Variants in SLC5A4 observed in about 807,000 individuals in gnomAD.
SLC5A4 encodes the protein probable glucose sensor protein SLC5A4.
In SLC5A4, 55 loss-of-function variants were observed where a neutral mutation model predicts 70.3. The observed-to-expected ratio is 0.78, with a 90% CI of 0.63 to 0.98. The LOEUF (loss-of-function observed/expected upper bound fraction) is 0.98, where lower values mean the gene tolerates loss of function less well. Among genes scored for constraint, SLC5A4 ranks in the 50% least tolerant of loss-of-function variants. The pLI is 0.00. For missense variants in SLC5A4, 735 were observed against 839.2 expected (o/e 0.88, Z 1.53); for synonymous variants, 268 against 305.7 (o/e 0.88, Z 1.29).
chr22:32,293,829 T>G, the SLC5A4 span, among the ~76,000 whole-genome samples: 2 of 152,148 alleles, frequency 1.3e-5, no homozygotes, highest in Non-Finnish European at 2.9e-5. Context: ...AAAATTTTAA[T>G]CTTTTCTAAG....
At chr22:32,291,091 T>C in the SLC5A4 span, among the ~76,000 whole-genome samples, 1 of 152,168 alleles carries the variant, frequency 6.6e-6, no homozygotes, top group African/African-American at 2.4e-5. Flanking sequence ...TTTATTTTTT[T>C]AAAGAGCTAG....
chr22:32,328,067 CAACACACACACCAGAGCCCCCAACACACA>C, the SLC5A4 span, among the ~76,000 whole-genome samples: 1 of 149,974 alleles, frequency 6.7e-6, no homozygotes, highest in Non-Finnish European at 1.5e-5. Context: ...ACGACGTCCC[CAACACACACACCAGAGCCCCCAACACACA>C]AACACACACA....
At chr22:32,245,746 CTT>C (rs1336921642) in intron 5 of SLC5A4, among the ~76,000 whole-genome samples, 1 of 152,212 alleles carries the variant, frequency 6.6e-6, no homozygotes, top group African/African-American at 2.4e-5. Context: ...GTCTCCATCT[CTT>C]GACCTCATGA....
intron 13 of SLC5A4, among the ~76,000 whole-genome samples, chr22:32,223,584 A>T (rs1482134097): frequency 6.6e-6 from 1 of 151,988 alleles, no homozygotes; most frequent in Non-Finnish European, 1.5e-5. Context: ...GTCAGTGTTC[A>T]TGCTGTATAT....
chr22:32,231,497 G>A (rs776058422), intron 9 of SLC5A4, among the ~76,000 whole-genome samples: 1 of 152,218 alleles, frequency 6.6e-6, no homozygotes, highest in African/African-American at 2.4e-5. Context: ...AAGAGGTGTC[G>A]CTTGTGATGG....
intron 5 of SLC5A4, among the ~76,000 whole-genome samples, chr22:32,240,139 T>TG (rs1344127300): frequency 6.6e-6 from 1 of 151,900 alleles, no homozygotes; most frequent in African/African-American, 2.4e-5. Context: ...TGGTTTGAAT[T>TG]GGGGGGTTAG....
At chr22:32,225,960 A>T (rs1486261839) in intron 11 of SLC5A4, 137 bp from the exon 12 acceptor site, 3 of 588,382 alleles carry the variant, frequency 5.1e-6, no homozygotes, top group African/African-American at 1.9e-5. Flanking sequence ...TCATACATAA[A>T]CCCATGCTGT....
At chr22:32,323,262 G>T in the SLC5A4 span, among the ~76,000 whole-genome samples, 1 of 152,024 alleles carries the variant, frequency 6.6e-6, no homozygotes, top group Non-Finnish European at 1.5e-5. Context: ...CCCCTCCCCT[G>T]CATGCTTTTC....
At chr22:32,347,217 G>C in the SLC5A4 span, among the ~76,000 whole-genome samples, 60 of 152,278 alleles carry the variant, frequency 3.9e-4, no homozygotes, top group African/African-American at 1.4e-3. Flanking sequence ...AGGTGCTGGA[G>C]AGGATGTGGA....
At chr22:32,313,100 A>G in the SLC5A4 span, among the ~76,000 whole-genome samples, 1 of 152,230 alleles carries the variant, frequency 6.6e-6, no homozygotes, top group Non-Finnish European at 1.5e-5. Context: ...CCAAAATTAC[A>G]GTTAATTGTG....
the SLC5A4 span, among the ~76,000 whole-genome samples, chr22:32,330,935 A>G: frequency 0.39 from 7,406 of 19,078 alleles, 978 homozygotes; most frequent in African/African-American, 0.47. Flanking sequence ...TCTGGTGTGT[A>G]TGTGTTGGAG....
intron 2 of SLC5A4, 88 bp from the exon 3 acceptor site, chr22:32,251,962 G>A (rs1003662225): frequency 3.5e-5 from 33 of 929,716 alleles, no homozygotes; most frequent in Non-Finnish European, 5.4e-5. Context: ...GGGCGTGGTG[G>A]CTCACGCCTG....
At chr22:32,219,805 G>A (rs1012119766) in intron 14 of SLC5A4, among the ~76,000 whole-genome samples, 1 of 151,960 alleles carries the variant, frequency 6.6e-6, no homozygotes, top group African/African-American at 2.4e-5. Context: ...TAAGAAAAAC[G>A]ATAAATCACA....
chr22:32,220,308 C>A (rs923866369), intron 14 of SLC5A4, among the ~76,000 whole-genome samples: 10 of 152,052 alleles, frequency 6.6e-5, no homozygotes, highest in Non-Finnish European at 1.5e-4. Context: ...TTGAAGAAAC[C>A]AAACCAAAAC....
chr22:32,286,757 G>C, the SLC5A4 span, among the ~76,000 whole-genome samples: 36 of 152,292 alleles, frequency 2.4e-4, 1 homozygote, highest in African/African-American at 8.4e-4. Flanking sequence ...AGCATATCTT[G>C]GCTGTTGTCT....
chr22:32,226,184 C>A (rs1402733570), intron 11 of SLC5A4, among the ~76,000 whole-genome samples: 1 of 152,288 alleles, frequency 6.6e-6, no homozygotes. Context: ...ATAAAGAAAG[C>A]AGACTTCCAT....
At chr22:32,304,050 A>G in the SLC5A4 span, among the ~76,000 whole-genome samples, 1 of 152,144 alleles carries the variant, frequency 6.6e-6, no homozygotes, top group Non-Finnish European at 1.5e-5. Context: ...GACATATGAG[A>G]TGGAGCATCT....
chr22:32,239,296 A>G (rs1295401478), intron 5 of SLC5A4, among the ~76,000 whole-genome samples: 1 of 151,444 alleles, frequency 6.6e-6, no homozygotes, highest in Non-Finnish European at 1.5e-5. Flanking sequence ...CTGTAGTCGC[A>G]TAGAAGTTAG....
intron 11 of SLC5A4, among the ~76,000 whole-genome samples, chr22:32,228,792 G>A (rs1447651044): frequency 6.6e-6 from 1 of 152,164 alleles, no homozygotes; most frequent in East Asian, 1.9e-4. Flanking sequence ...ACTCCTCTGT[G>A]TTCATGTGTG....
Sources: allele counts gnomAD v4.1 joint callset (sites outside exome capture counted in the v4.1 genomes callset), GRCh38; gene constraint gnomAD v4.1.1; transcripts MANE v1.5; gene names NCBI Gene and HGNC (gene_info 2026-07-23, HGNC 2026-07-21).